USP37: variants seen among roughly 807,000 people sequenced by gnomAD.
USP37 encodes the protein ubiquitin carboxyl-terminal hydrolase 37.
A neutral mutation model predicts 124.0 loss-of-function variants in USP37; 27 were observed. The ratio of observed to expected loss-of-function variants is 0.22; its 90% CI spans 0.16 to 0.30. The LOEUF (loss-of-function observed/expected upper bound fraction) is 0.30, where lower values mean the gene tolerates loss of function less well. Among genes scored for constraint, USP37 ranks in the 10% least tolerant of loss-of-function variants. The pLI is 1.00. For synonymous variants in USP37, 365 were observed against 388.0 expected (o/e 0.94, Z 0.70); for missense variants, 889 against 1,140.4 (o/e 0.78, Z 3.17).
At chr2:218,519,810 G>A (rs1690503092) in intron 10 of USP37, among the ~76,000 whole-genome samples, 1 of 151,892 alleles carries the variant, frequency 6.6e-6, no homozygotes. Context: ...TCACCACGTT[G>A]GCCAGGCTGG....
intron 4 of USP37, among the ~76,000 whole-genome samples, chr2:218,554,199 A>G (rs1029762845): frequency 6.6e-6 from 1 of 152,218 alleles, no homozygotes; most frequent in South Asian, 2.1e-4. Context: ...AAATAACATC[A>G]TTTCCTTCAT....
Position 218,546,941 on chromosome 2 carries a change from T to C in USP37, c.580A>G (p.Arg194Gly), listed in dbSNP as rs1428488293. Residue 194 changes from arginine (R) to glycine (G), a missense_variant, in exon 7 of 26, where the codon AGA becomes GGA. Arg to Gly is a moderately radical substitution (Grantham distance 125). Around this residue, in one of 3 missense-constraint regions of USP37, gnomAD observed 374 missense variants for 386.0 expected, o/e 0.97. Coordinates refer to ENST00000258399, the MANE Select transcript of USP37 (RefSeq NM_020935.3). Reference protein sequence around the residue: ...PSLTSTSTPLRSGLLENRTEK... With the variant: ...PSLTSTSTPLGSGLLENRTEK... The stretch of plus-strand genomic sequence containing the variant: ...TACCGATTTTCTAGCAACCCTGATC[T>C]AAGAGGTGTTGAAGTAGATGTCAAA... 1 of 1,611,960 alleles carries C rather than the reference T, an allele frequency of 6.2e-7. No individual in the cohort carries two copies. Among genetic ancestry groups the C allele is most frequent in the Admixed American group, 1.7e-5 (1 of 59,340 alleles).
chr2:218,531,440 C>T (rs997851011), intron 9 of USP37, among the ~76,000 whole-genome samples: 3 of 152,208 alleles, frequency 2.0e-5, no homozygotes, highest in Non-Finnish European at 4.4e-5. Flanking sequence ...TTTCAAAATA[C>T]TACTGCTCCT....
At chr2:218,522,103 T>G (rs1690685873) in intron 10 of USP37, among the ~76,000 whole-genome samples, 1 of 148,326 alleles carries the variant, frequency 6.7e-6, no homozygotes, top group Non-Finnish European at 1.5e-5. Context: ...CTCAAACTCC[T>G]GAGCTCAAGC....
chr2:218,551,882 T>A lies in USP37; in HGVS notation c.328+1671A>T, dbSNP rs531254539. 5.3e-5 allele frequency among the ~76,000 whole-genome samples: 8 copies of A among 152,098 alleles called. No individual in the cohort carries two copies. The South Asian group carries it at 1.7e-3, about 32-fold the overall frequency. On this transcript the variant is annotated intron_variant, in intron 5 of 25. Coordinates refer to ENST00000258399, the MANE Select transcript of USP37 (RefSeq NM_020935.3). Reference sequence around the variant, plus strand: ...ATCTCGGCTCACTGTAACCTCTGCCTCCCGGGTTCACGCCATTCTTCTGCC... The same window carrying A: ...ATCTCGGCTCACTGTAACCTCTGCCACCCGGGTTCACGCCATTCTTCTGCC...
At chr2:218,484,232 T>C (rs113692080) in intron 16 of USP37, among the ~76,000 whole-genome samples, 55 of 152,234 alleles carry the variant, frequency 3.6e-4, no homozygotes, top group African/African-American at 1.3e-3. Flanking sequence ...TCTTGAACTC[T>C]TGGTCTCAAG....
intron 8 of USP37, among the ~76,000 whole-genome samples, chr2:218,543,299 C>T (rs1238557192): frequency 6.7e-6 from 1 of 150,020 alleles, no homozygotes; most frequent in African/African-American, 2.5e-5. Context: ...CTCAGAAGTT[C>T]GAGACCAGCC....
intron 20 of USP37, among the ~76,000 whole-genome samples, chr2:218,471,710 C>T (rs944897688): frequency 6.6e-6 from 1 of 151,770 alleles, no homozygotes; most frequent in Non-Finnish European, 1.5e-5. Flanking sequence ...TTTCCCTTGG[C>T]ACCTTTGTGG....
At chr2:218,460,479 G>T in intron 22 of USP37, among the ~76,000 whole-genome samples, 1 of 151,896 alleles carries the variant, frequency 6.6e-6, no homozygotes, top group Non-Finnish European at 1.5e-5. Context: ...ACCCTTATAA[G>T]AAAGATATAA....
chr2:218,457,980 C>T (rs1689781451), intron 23 of USP37, among the ~76,000 whole-genome samples: 1 of 145,660 alleles, frequency 6.9e-6, no homozygotes, highest in South Asian at 2.1e-4. Context: ...GTGGAGCTTG[C>T]AGTGAGCTGA....
intron 8 of USP37, 110 bp from the exon 9 acceptor site, chr2:218,534,816 T>TA: frequency 1.7e-6 from 1 of 576,658 alleles, no homozygotes; most frequent in Non-Finnish European, 2.7e-6. Context: ...AATTCATTGA[T>TA]ATGCTTGAAA....
At chr2:218,542,317 G>C (rs755003361) in intron 8 of USP37, among the ~76,000 whole-genome samples, 1 of 152,134 alleles carries the variant, frequency 6.6e-6, no homozygotes, top group Non-Finnish European at 1.5e-5. Context: ...AACAAGGATC[G>C]GTAACCTAGT....
At chr2:218,472,461 T>G in intron 20 of USP37, among the ~76,000 whole-genome samples, 1 of 139,830 alleles carries the variant, frequency 7.2e-6, no homozygotes, top group African/African-American at 2.7e-5. Context: ...AGCCTGAATC[T>G]CTCTCTCTTT....
At chr2:218,556,264 T>C (rs558050) in intron 4 of USP37, among the ~76,000 whole-genome samples, 150,643 of 152,114 alleles carry the variant, frequency 0.99, 74,610 homozygotes, top group Middle Eastern at 1. Context: ...TGTATTTGTC[T>C]ACATACAGAA....
chr2:218,483,979 C>T (rs1209711280), intron 16 of USP37, among the ~76,000 whole-genome samples: 1 of 152,044 alleles, frequency 6.6e-6, no homozygotes, highest in African/African-American at 2.4e-5. Context: ...GCCAACACGG[C>T]GCGACCCTGT....
intron 1 of USP37, among the ~76,000 whole-genome samples, chr2:218,565,587 T>C (rs796906035): frequency 2.6e-5 from 4 of 152,336 alleles, no homozygotes; most frequent in African/African-American, 9.6e-5. Context: ...GTGTTTGTCA[T>C]GAGATGATGA....
chr2:218,530,508 ATC>A (rs1231715806), intron 9 of USP37, among the ~76,000 whole-genome samples: 1 of 152,118 alleles, frequency 6.6e-6, no homozygotes, highest in Non-Finnish European at 1.5e-5. Flanking sequence ...TTATTACCCC[ATC>A]TCTGTCTCTC....
rs1690299986 is a variant in USP37, at chr2:218,466,096, C to T, written c.2380G>A (p.Val794Ile). The T allele has an allele frequency of 1.2e-6, 2 of 1,614,048 alleles. No individual in the cohort carries two copies. Among genetic ancestry groups the T allele is most frequent in the Middle Eastern group, 1.6e-4 (1 of 6,062 alleles). The change falls in exon 21 of 26, where the codon GTT becomes ATT. Residue 794 changes from valine (V) to isoleucine (I), a missense_variant. Val to Ile is a conservative substitution (Grantham distance 29, BLOSUM62 3). Coordinates refer to ENST00000258399, the MANE Select transcript of USP37 (RefSeq NM_020935.3). Reference sequence around the variant, plus strand: ...ATATCATACTGCTGGAGCCAATCAACTTCTCCCTGAGATCCTTCTGGAGTT... The same window carrying T: ...ATATCATACTGCTGGAGCCAATCAATTTCTCCCTGAGATCCTTCTGGAGTT... ...NKTPEGSQGE[V>I]DWLQQYDMER...
chr2:218,472,632 A>G (rs2106416933), intron 20 of USP37, among the ~76,000 whole-genome samples: 1 of 151,824 alleles, frequency 6.6e-6, no homozygotes, highest in South Asian at 2.1e-4. Context: ...ACACCCGGCT[A>G]ATTTTGTATT....
Sources: gnomAD v4.1 joint callset for allele counts (sites outside exome capture counted in the v4.1 genomes callset) on GRCh38, gnomAD v4.1.1 for gene constraint, gnomAD v4.1.1 regional missense constraint, MANE v1.5 for transcripts, NCBI Gene and HGNC (gene_info 2026-07-23, HGNC 2026-07-21) for gene names.